The following DLGAP2 variants were observed in gnomAD, a reference collection of about 807,000 sequenced individuals.
DLGAP2 encodes disks large-associated protein 2.
A neutral mutation model predicts 100.3 loss-of-function variants in DLGAP2; 26 were observed. The ratio of observed to expected loss-of-function variants is 0.26; its 90% CI spans 0.19 to 0.36. DLGAP2 has a LOEUF of 0.36. DLGAP2 is among the 10% of genes least tolerant of loss of function. The probability of loss-of-function intolerance (pLI) is 1.00; values close to 1 mark genes in which losing one functional copy is unlikely to be tolerated. For synonymous variants in DLGAP2, 886 were observed against 630.1 expected, an observed-to-expected ratio of 1.41 and a Z score of -6.08; for missense variants, 1,858 against 1,453.2, an observed-to-expected ratio of 1.28 and a Z score of -4.53.
intron 2 of DLGAP2, among the ~76,000 whole-genome samples, chr8:1,182,149 T>C (rs1797402857): frequency 1.3e-5 from 2 of 152,234 alleles, no homozygotes; most frequent in Non-Finnish European, 2.9e-5. Flanking sequence ...TGGCGAGTCA[T>C]GTGTGGCTGC....
At chr8:1,216,367 G>C (rs970940072) in intron 2 of DLGAP2, among the ~76,000 whole-genome samples, 2 of 152,022 alleles carry the variant, frequency 1.3e-5, no homozygotes, top group Non-Finnish European at 2.9e-5. Context: ...TTTTTTGTAA[G>C]GGGCAGGGTC....
At chr8:767,168 A>G (rs1414152167) in intron 1 of DLGAP2, among the ~76,000 whole-genome samples, 3 of 152,164 alleles carry the variant, frequency 2.0e-5, no homozygotes, top group East Asian at 3.9e-4. Flanking sequence ...GGCCACATCC[A>G]CGGCTCCGCT....
intron 2 of DLGAP2, among the ~76,000 whole-genome samples, chr8:1,094,971 G>C (rs1040116303): frequency 1.3e-5 from 2 of 152,200 alleles, no homozygotes; most frequent in Admixed American, 1.3e-4. Flanking sequence ...CTTCAGGAGC[G>C]GCACTTCCAG....
intron 1 of DLGAP2, among the ~76,000 whole-genome samples, chr8:767,479 A>G (rs929115415): frequency 1.3e-5 from 2 of 150,412 alleles, no homozygotes; most frequent in Non-Finnish European, 2.9e-5. Flanking sequence ...CTCGTGCCTC[A>G]GTGGGTAGCT....
chr8:1,616,590 C>G (rs573521730), intron 6 of DLGAP2, among the ~76,000 whole-genome samples: 1 of 152,220 alleles, frequency 6.6e-6, no homozygotes, highest in South Asian at 2.1e-4. Context: ...GGAATCATAC[C>G]TTTAAAGTGA....
chr8:1,166,269 G>T (rs1256179309), intron 2 of DLGAP2, among the ~76,000 whole-genome samples: 1 of 152,166 alleles, frequency 6.6e-6, no homozygotes, highest in East Asian at 1.9e-4. Context: ...TAATGGCCCA[G>T]TCCCCGTGCA....
chr8:783,064 C>G (rs974907967), intron 1 of DLGAP2, among the ~76,000 whole-genome samples: 1 of 152,194 alleles, frequency 6.6e-6, no homozygotes, highest in Non-Finnish European at 1.5e-5. Flanking sequence ...AAAGTTACAA[C>G]AAAGATTCTG....
At chr8:1,633,082 C>T (rs750513911) in intron 8 of DLGAP2, 36 bp downstream of exon 8, 4 of 1,606,088 alleles carry the variant, frequency 2.5e-6, no homozygotes, top group African/African-American at 2.7e-5. Context: ...CCAGCGGGGA[C>T]TCTAGAGGCA....
At chr8:1,689,390 T>C (rs1170295072) in intron 12 of DLGAP2, among the ~76,000 whole-genome samples, 1 of 152,196 alleles carries the variant, frequency 6.6e-6, no homozygotes, top group Non-Finnish European at 1.5e-5. Context: ...GGTATTCCCT[T>C]GTGAAGTACG....
At chr8:838,079 G>T (rs1796914848) in intron 1 of DLGAP2, among the ~76,000 whole-genome samples, 1 of 152,024 alleles carries the variant, frequency 6.6e-6, no homozygotes, top group South Asian at 2.1e-4. Flanking sequence ...TAGCTACTCT[G>T]TGTGGATCCT....
chr8:1,669,631 GC>G lies in DLGAP2; in HGVS notation c.2161-109del, dbSNP rs897825007. ...GTGAGTGGAGCGTGCTGAGAGCCGGGCCCGTGCGGCGCTGGTAGCTAGGCAT... is the reference window on the plus strand; with the variant it reads ...GTGAGTGGAGCGTGCTGAGAGCCGGGCCGTGCGGCGCTGGTAGCTAGGCAT... On this transcript the variant is annotated intron_variant, in intron 9 of 14. Coordinates refer to ENST00000637795, the MANE Select transcript of DLGAP2 (RefSeq NM_001346810.2). The G allele has an allele frequency of 3.7e-5, 28 of 754,112 alleles. No homozygotes were observed. The African/African-American group carries it at 4.6e-4, about 12-fold the overall frequency. 46.7% of individuals were successfully genotyped at this position (754,112 alleles called of 1,614,324 possible).
chr8:1,007,271 T>C (rs1261044047), intron 2 of DLGAP2, among the ~76,000 whole-genome samples: 1 of 152,200 alleles, frequency 6.6e-6, no homozygotes, highest in African/African-American at 2.4e-5. Context: ...GTTGTCTCTG[T>C]GACTGCTGTG....
chr8:1,047,063 G>T (rs1409607943), intron 2 of DLGAP2, among the ~76,000 whole-genome samples: 1 of 152,020 alleles, frequency 6.6e-6, no homozygotes. Flanking sequence ...TCACAGAGTT[G>T]TGCAGCCATC....
rs149409284 is a variant in DLGAP2, at chr8:1,409,605, C to G, written c.107-91761C>G. 2.9e-3 allele frequency among the ~76,000 whole-genome samples: 441 copies of G among 152,334 alleles called. 1 individual carries two copies. The highest frequency in any genetic ancestry group is 9.6e-3 in the African/African-American group (398 of 41,578). Reference sequence around the variant, plus strand: ...CCTAGACTGGGATAGGGGATGCCCACAGAGCTGGGAAGACATTTTCCAGAT... The same window carrying G: ...CCTAGACTGGGATAGGGGATGCCCAGAGAGCTGGGAAGACATTTTCCAGAT... On this transcript the variant is annotated intron_variant, in intron 3 of 14. Coordinates refer to ENST00000637795, the MANE Select transcript of DLGAP2 (RefSeq NM_001346810.2).
intron 2 of DLGAP2, among the ~76,000 whole-genome samples, chr8:1,192,677 T>A (rs866393001): frequency 6.8e-4 from 102 of 150,462 alleles, no homozygotes; most frequent in Middle Eastern, 3.5e-3. Context: ...TTTTTTTTTT[T>A]AATTATTATT....
rs2130514851 is a variant in DLGAP2 at position 1,548,777 on chromosome 8, G to T, written c.324G>T (p.Glu108Asp). The stretch of plus-strand genomic sequence containing the variant: ...GTCTGGCGCCCCCGGAGGACTGCGA[G>T]CACCTGCACCACGGGCCCGACGCGC... ...TCGLAPPEDC[E>D]HLHHGPDARP... Residue 108 changes from glutamate (E) to aspartate (D), a missense_variant, in exon 5 of 15, where the codon GAG (glutamate) becomes GAT (aspartate). By Grantham distance (45) the Glu-to-Asp change is conservative. Transcript: ENST00000637795. 6.3e-7 allele frequency: 1 copy of T among 1,594,886 alleles called. No individual in the cohort carries two copies.
intron 3 of DLGAP2, among the ~76,000 whole-genome samples, chr8:1,429,025 T>C (rs1024549): frequency 0.15 from 23,404 of 152,192 alleles, 1,992 homozygotes; most frequent in South Asian, 0.24. Flanking sequence ...CAGCAGTTCA[T>C]AAATTGGGCA....
intron 2 of DLGAP2, among the ~76,000 whole-genome samples, chr8:1,076,776 C>G (rs1392007051): frequency 2.0e-5 from 3 of 152,134 alleles, no homozygotes; most frequent in Non-Finnish European, 4.4e-5. Flanking sequence ...GATCTGGAGG[C>G]TCGAAGTTCA....
At chr8:1,367,589 A>G (rs908370661) in intron 3 of DLGAP2, among the ~76,000 whole-genome samples, 1 of 152,230 alleles carries the variant, frequency 6.6e-6, no homozygotes, top group Non-Finnish European at 1.5e-5. Context: ...TCACCATTCT[A>G]AAACATCAGG....
Sources: gnomAD v4.1 joint callset for allele counts (sites outside exome capture counted in the v4.1 genomes callset) on GRCh38, gnomAD v4.1.1 for gene constraint, MANE v1.5 for transcripts, NCBI Gene and HGNC (gene_info 2026-07-23, HGNC 2026-07-21) for gene names.